Variants in PAPSS2 observed in about 807,000 individuals in gnomAD.
PAPSS2 encodes bifunctional 3'-phosphoadenosine 5'-phosphosulfate synthase 2.
Under a neutral mutation model 66.5 loss-of-function variants are expected in PAPSS2, and 61 were observed. That is an observed-to-expected ratio of 0.92 (90% CI 0.75 to 1.14). The LOEUF (loss-of-function observed/expected upper bound fraction) is 1.14. PAPSS2 is among the 50% of genes most tolerant of loss of function. PAPSS2 has a pLI of 0.00. For missense variants in PAPSS2, 708 were observed against 789.6 expected, an observed-to-expected ratio of 0.90 and a Z score of 1.24; for synonymous variants, 289 against 287.5, an observed-to-expected ratio of 1.01 and a Z score of -0.05.
At chr10:87,714,653 A>T (rs953445257) in intron 4 of PAPSS2, 92 bp from the exon 5 acceptor site, 1 of 845,608 alleles carries the variant, frequency 1.2e-6, no homozygotes, top group Middle Eastern at 3.3e-4. Flanking sequence ...TTTTCAGTTT[A>T]ATACATTATT....
At chr10:87,725,943 T>C (rs10788565) in intron 8 of PAPSS2, among the ~76,000 whole-genome samples, 78,749 of 150,924 alleles carry the variant, frequency 0.52, 21,834 homozygotes, top group East Asian at 0.74. Flanking sequence ...GAGGTCTTGC[T>C]GTGTTACCCA....
intron 1 of PAPSS2, among the ~76,000 whole-genome samples, chr10:87,671,181 T>C (rs1420729100): frequency 6.6e-6 from 1 of 152,202 alleles, no homozygotes; most frequent in Non-Finnish European, 1.5e-5. Context: ...TCATTCTTTT[T>C]TTTTTCTTCA....
At chr10:87,672,367 C>T (rs1317285436) in intron 1 of PAPSS2, among the ~76,000 whole-genome samples, 2 of 152,128 alleles carry the variant, frequency 1.3e-5, no homozygotes, top group East Asian at 1.9e-4. Context: ...AATGATGTAA[C>T]GTGAACTAAG....
chr10:87,673,112 C>T (rs1329235959), intron 1 of PAPSS2, among the ~76,000 whole-genome samples: 1 of 152,182 alleles, frequency 6.6e-6, no homozygotes. Context: ...GGCCCATGGC[C>T]TGTCAGCGTG....
chr10:87,745,236 G>GT lies in PAPSS2; in HGVS notation c.1721+9dup. 1 of 1,600,092 alleles carries GT rather than the reference G, an allele frequency of 6.2e-7. No homozygotes were observed. Among genetic ancestry groups the GT allele is most frequent in the Non-Finnish European group, 8.5e-7 (1 of 1,171,986 alleles). ...GGACTTCTATGATCCAGCAAGGTAG[G>GT]TTTTCAGAGGAAAATTCTTTTATCA... is the stretch of plus-strand genomic sequence containing the variant. On this transcript the variant is annotated splice_donor_region_variant and intron_variant, in intron 12 of 12. Transcript: ENST00000456849.
intron 1 of PAPSS2, among the ~76,000 whole-genome samples, chr10:87,698,715 AG>A (rs1264083691): frequency 6.6e-6 from 1 of 152,164 alleles, no homozygotes; most frequent in Non-Finnish European, 1.5e-5. Flanking sequence ...TATTTTCCTT[AG>A]TGTTAAATCC....
At chr10:87,745,715 G>T in intron 12 of PAPSS2, 117 bp from the exon 13 acceptor site, 2 of 1,007,750 alleles carry the variant, frequency 2.0e-6, no homozygotes, top group Non-Finnish European at 3.1e-6. Flanking sequence ...GCCCACTTTT[G>T]AAGATGCAGC....
chr10:87,703,958 CT>C, intron 1 of PAPSS2: 1 of 491,064 alleles, frequency 2.0e-6, no homozygotes, highest in Non-Finnish European at 4.0e-6. Context: ...AGAGAGAATC[CT>C]TTTTCTGACA....
intron 9 of PAPSS2, among the ~76,000 whole-genome samples, chr10:87,739,094 A>G (rs1853835172): frequency 6.6e-6 from 1 of 152,158 alleles, no homozygotes; most frequent in Non-Finnish European, 1.5e-5. Context: ...CTCCAATATC[A>G]TAAAGCTTTT....
chr10:87,731,679 A>G (rs1853731257), intron 9 of PAPSS2, among the ~76,000 whole-genome samples: 1 of 152,222 alleles, frequency 6.6e-6, no homozygotes, highest in Non-Finnish European at 1.5e-5. Flanking sequence ...TTCATCCTTC[A>G]TGGATGACTT....
chr10:87,678,033 A>G (rs924220918), intron 1 of PAPSS2, among the ~76,000 whole-genome samples: 2 of 152,200 alleles, frequency 1.3e-5, no homozygotes, highest in Non-Finnish European at 2.9e-5. Context: ...AAAAACATGA[A>G]TCTTATATAA....
At chr10:87,660,792 C>T (rs2131889577) in intron 1 of PAPSS2, among the ~76,000 whole-genome samples, 1 of 132,480 alleles carries the variant, frequency 7.5e-6, no homozygotes, top group South Asian at 2.5e-4. Context: ...GTCAATTATA[C>T]CCCAATAAAC....
intron 1 of PAPSS2, among the ~76,000 whole-genome samples, chr10:87,697,345 T>C (rs7070999): frequency 0.053 from 8,084 of 152,092 alleles, 579 homozygotes; most frequent in African/African-American, 0.17. Context: ...CAACGAGGGG[T>C]CGGGGCTTCC....
chr10:87,716,448 A>G (rs1853533865), intron 7 of PAPSS2, among the ~76,000 whole-genome samples: 1 of 152,228 alleles, frequency 6.6e-6, no homozygotes, highest in Non-Finnish European at 1.5e-5. Context: ...GTTATTGTGA[A>G]GACTTCCGGA....
intron 4 of PAPSS2, 30 bp from the exon 5 acceptor site, chr10:87,714,715 T>C (rs765046552): frequency 8.7e-7 from 1 of 1,153,754 alleles, no homozygotes; most frequent in East Asian, 2.3e-5. Context: ...TCAATACAGA[T>C]GCGATGATTG....
intron 1 of PAPSS2, among the ~76,000 whole-genome samples, chr10:87,669,060 G>A (rs1852845753): frequency 6.6e-6 from 1 of 152,190 alleles, no homozygotes; most frequent in African/African-American, 2.4e-5. Flanking sequence ...AGACCAAAAA[G>A]CAGTATTTGA....
At chr10:87,666,625 C>T (rs995580411) in intron 1 of PAPSS2, among the ~76,000 whole-genome samples, 36 of 151,936 alleles carry the variant, frequency 2.4e-4, no homozygotes, top group Non-Finnish European at 2.9e-5. Flanking sequence ...TAGTGTTGGT[C>T]CAATTTCAAG....
chr10:87,669,036 G>C (rs1852845515), intron 1 of PAPSS2, among the ~76,000 whole-genome samples: 1 of 152,184 alleles, frequency 6.6e-6, no homozygotes, highest in Admixed American at 6.5e-5. Context: ...TGGCATTCTG[G>C]GGACAGAAAA....
chr10:87,736,222 G>GA (rs947639396), intron 9 of PAPSS2, among the ~76,000 whole-genome samples: 9 of 144,266 alleles, frequency 6.2e-5, no homozygotes, highest in South Asian at 4.5e-4. Flanking sequence ...TAAACTTATA[G>GA]AAAAAAAACA....
Sources: gnomAD v4.1 joint callset for allele counts (sites outside exome capture counted in the v4.1 genomes callset) on GRCh38, gnomAD v4.1.1 for gene constraint, MANE v1.5 for transcripts, NCBI Gene and HGNC (gene_info 2026-07-23, HGNC 2026-07-21) for gene names.